The following ARHGAP44 variants were observed in gnomAD, a reference collection of about 807,000 sequenced individuals.
ARHGAP44 encodes Rho GTPase activating protein 44, also known as rho GTPase-activating protein 44.
In ARHGAP44, 43 loss-of-function variants were observed where a neutral mutation model predicts 106.8. The ratio of observed to expected loss-of-function variants is 0.40; its 90% CI spans 0.32 to 0.52. The LOEUF (loss-of-function observed/expected upper bound fraction) is 0.52, where lower values mean the gene tolerates loss of function less well. ARHGAP44 is among the 20% of genes least tolerant of loss of function. The pLI is 0.48. For synonymous variants in ARHGAP44, 439 were observed against 410.3 expected (o/e 1.07, Z -0.85); for missense variants, 866 against 1,050.5 (o/e 0.82, Z 2.43).
intron 1 of ARHGAP44, among the ~76,000 whole-genome samples, chr17:12,849,212 G>A (rs1018600319): frequency 7.6e-6 from 1 of 131,980 alleles, no homozygotes; most frequent in Admixed American, 7.1e-5. Context: ...AACTGAGGTG[G>A]GCGTGTGTGT....
In ARHGAP44 at chr17:12,914,745, A is replaced by C. The variant is rs545222942; in HGVS notation, c.276-1155A>C. ...CAGGAGGCGGAGGTTGCAGTGAGCC[A>C]AGATCGTGCCACTGTACTCCAGCCT... On this transcript the variant is annotated intron_variant, in intron 4 of 20. Transcript: ENST00000379672. Among the ~76,000 whole-genome samples the C allele has an allele frequency of 7.3e-5, 11 of 151,402 alleles. No individual in the cohort carries two copies. In the South Asian group the frequency reaches 1.9e-3, roughly 26 times the overall value.
intron 4 of ARHGAP44, among the ~76,000 whole-genome samples, chr17:12,913,054 C>G (rs7207700): frequency 0.11 from 16,996 of 152,098 alleles, 1,789 homozygotes; most frequent in East Asian, 0.34. Context: ...CTTAGGGATA[C>G]AGGAAAACTC....
intron 1 of ARHGAP44, among the ~76,000 whole-genome samples, chr17:12,868,589 TTTTATATATA>T (rs375910862): frequency 0.18 from 19,108 of 104,768 alleles, 1,942 homozygotes; most frequent in Admixed American, 0.27. Flanking sequence ...TATATATGCA[TTTTATATATA>T]TATATATATA....
intron 1 of ARHGAP44, among the ~76,000 whole-genome samples, chr17:12,866,576 A>C (rs1010091148): frequency 1.3e-5 from 2 of 152,222 alleles, no homozygotes; most frequent in African/African-American, 4.8e-5. Flanking sequence ...GACCGGCAAA[A>C]GATTACCAAG....
At chr17:12,867,496 A>C (rs1416849306) in intron 1 of ARHGAP44, among the ~76,000 whole-genome samples, 1 of 152,148 alleles carries the variant, frequency 6.6e-6, no homozygotes, top group African/African-American at 2.4e-5. Flanking sequence ...GGAAATTTGC[A>C]AGTCACAATT....
chr17:12,836,598 A>G (rs1473733608), intron 1 of ARHGAP44, among the ~76,000 whole-genome samples: 1 of 152,014 alleles, frequency 6.6e-6, no homozygotes, highest in Non-Finnish European at 1.5e-5. Context: ...CACTGAGCTG[A>G]GATCACCGAG....
intron 13 of ARHGAP44, chr17:12,955,634 T>C: frequency 2.3e-6 from 1 of 438,798 alleles, no homozygotes; most frequent in East Asian, 4.4e-5. Context: ...CTGGCCAGTG[T>C]TAGTTGAAGC....
intron 1 of ARHGAP44, among the ~76,000 whole-genome samples, chr17:12,816,060 A>G (rs2034588006): frequency 6.6e-6 from 1 of 152,090 alleles, no homozygotes; most frequent in Non-Finnish European, 1.5e-5. Flanking sequence ...ACGCAGTTGA[A>G]AGGGGAAGTG....
At chr17:12,946,799 TA>T (rs3076674) in intron 10 of ARHGAP44, among the ~76,000 whole-genome samples, 7 of 147,910 alleles carry the variant, frequency 4.7e-5, no homozygotes, top group African/African-American at 7.5e-5. Context: ...AGACTCTATC[TA>T]AAAAAAAAAA....
intron 1 of ARHGAP44, among the ~76,000 whole-genome samples, chr17:12,865,031 A>G (rs2036195234): frequency 6.6e-6 from 1 of 152,160 alleles, no homozygotes; most frequent in African/African-American, 2.4e-5. Flanking sequence ...GCTAGAGAGA[A>G]GAAGAATAAT....
intron 1 of ARHGAP44, among the ~76,000 whole-genome samples, chr17:12,867,364 G>C (rs929942589): frequency 9.2e-5 from 14 of 152,206 alleles, no homozygotes; most frequent in Middle Eastern, 3.4e-3. Context: ...GCCCTGCCCT[G>C]CTAGAAATGC....
intron 20 of ARHGAP44, among the ~76,000 whole-genome samples, chr17:12,989,109 A>C (rs2040038960): frequency 2.3e-5 from 3 of 133,228 alleles, no homozygotes; most frequent in African/African-American, 8.4e-5. Flanking sequence ...CCCAAAAAAA[A>C]AAAAAAAAAA....
chr17:12,873,453 C>G (rs1368097056), intron 1 of ARHGAP44, among the ~76,000 whole-genome samples: 5 of 152,200 alleles, frequency 3.3e-5, no homozygotes, highest in African/African-American at 1.2e-4. Flanking sequence ...AATAATTGCT[C>G]TAATGATTTG....
chr17:12,805,268 A>G (rs2034238135), intron 1 of ARHGAP44, among the ~76,000 whole-genome samples: 1 of 152,110 alleles, frequency 6.6e-6, no homozygotes. Flanking sequence ...TGACTCTACT[A>G]GAAGCTGTGT....
chr17:12,806,166 T>C (rs375596156), intron 1 of ARHGAP44, among the ~76,000 whole-genome samples: 14 of 152,090 alleles, frequency 9.2e-5, no homozygotes, highest in African/African-American at 3.4e-4. Flanking sequence ...GCCTTTACAA[T>C]TGAGGTGGTA....
At chr17:12,899,949 G>A (rs1264962329) in intron 3 of ARHGAP44, among the ~76,000 whole-genome samples, 2 of 152,116 alleles carry the variant, frequency 1.3e-5, no homozygotes, top group African/African-American at 4.8e-5. Context: ...GTTTTGCCCT[G>A]AAAGCTGTGG....
intron 1 of ARHGAP44, among the ~76,000 whole-genome samples, chr17:12,862,099 C>T (rs377762946): frequency 3.0e-4 from 45 of 152,122 alleles, no homozygotes; most frequent in South Asian, 1.2e-3. Context: ...TTTTGGGAGG[C>T]GGGGCATTAT....
chr17:12,989,626 G>C (rs2072262), intron 20 of ARHGAP44, among the ~76,000 whole-genome samples: 20,493 of 152,122 alleles, frequency 0.13, 1,434 homozygotes, highest in Middle Eastern at 0.21. Context: ...CTTGAGAGGA[G>C]AAAGGGGTCC....
chr17:12,852,821 G>A (rs748596938), intron 1 of ARHGAP44, among the ~76,000 whole-genome samples: 21 of 152,120 alleles, frequency 1.4e-4, no homozygotes, highest in Non-Finnish European at 2.5e-4. Flanking sequence ...GATTACAGGC[G>A]TGAGCCACTG....
Sources: allele counts gnomAD v4.1 joint callset (sites outside exome capture counted in the v4.1 genomes callset), GRCh38; gene constraint gnomAD v4.1.1; transcripts MANE v1.5; gene names NCBI Gene and HGNC (gene_info 2026-07-23, HGNC 2026-07-21).